The following BMAL2 variants were observed in gnomAD, a reference collection of about 807,000 sequenced individuals.
BMAL2 encodes the protein basic helix-loop-helix ARNT-like protein 2.
chr12:27,375,233 C>A, the BMAL2 span, among the ~76,000 whole-genome samples: 5 of 152,106 alleles, frequency 3.3e-5, no homozygotes, highest in African/African-American at 1.2e-4. Context: ...AGGAATTTAT[C>A]CTAGAGTATA....
chr12:27,412,015 G>A, the BMAL2 span, among the ~76,000 whole-genome samples: 1 of 152,124 alleles, frequency 6.6e-6, no homozygotes, highest in African/African-American at 2.4e-5. Flanking sequence ...TCTACTTTAA[G>A]TTAGTTTGTG....
At chr12:27,403,673 A>C in the BMAL2 span, 35 of 467,168 alleles carry the variant, frequency 7.5e-5, no homozygotes, top group African/African-American at 5.8e-4. Flanking sequence ...TTATCTTTAC[A>C]GTAGCAACAA....
chr12:27,390,581 T>TA, the BMAL2 span: 9 of 206,756 alleles, frequency 4.4e-5, no homozygotes, highest in South Asian at 1.6e-4. Context: ...GGTTAGATGT[T>TA]AAAAAAACTT....
the BMAL2 span, chr12:27,400,522 T>C: frequency 1.9e-6 from 3 of 1,544,012 alleles, no homozygotes; most frequent in East Asian, 2.3e-5. Context: ...TTTTTAAAAA[T>C]CTTTGAATTA....
the BMAL2 span, chr12:27,402,636 G>A: frequency 3.7e-6 from 6 of 1,612,742 alleles, no homozygotes; most frequent in Non-Finnish European, 5.1e-6. Context: ...AGTGAGCCTG[G>A]AGAAGCATCA....
chr12:27,356,664 T>A, the BMAL2 span, among the ~76,000 whole-genome samples: 1 of 152,234 alleles, frequency 6.6e-6, no homozygotes, highest in African/African-American at 2.4e-5. Context: ...ATTATGTGTG[T>A]TTTTTATCTC....
the BMAL2 span, among the ~76,000 whole-genome samples, chr12:27,337,463 ACCTG>A: frequency 6.6e-6 from 1 of 152,168 alleles, no homozygotes; most frequent in Non-Finnish European, 1.5e-5. Context: ...ATGTGAAGGA[ACCTG>A]CCTTTCCCCA....
the BMAL2 span, among the ~76,000 whole-genome samples, chr12:27,339,192 A>G: frequency 6.6e-6 from 1 of 152,110 alleles, no homozygotes; most frequent in Non-Finnish European, 1.5e-5. Flanking sequence ...GCTCCCACTT[A>G]TAAGTGAGAA....
At chr12:27,393,566 A>C in the BMAL2 span, among the ~76,000 whole-genome samples, 1 of 152,196 alleles carries the variant, frequency 6.6e-6, no homozygotes, top group African/African-American at 2.4e-5. Flanking sequence ...AGGACTAAAG[A>C]TTCCTCCCTG....
chr12:27,381,700 T>G, the BMAL2 span, among the ~76,000 whole-genome samples: 3 of 152,186 alleles, frequency 2.0e-5, no homozygotes, highest in African/African-American at 4.8e-5. Context: ...ACCCCTGTTT[T>G]GGGAATAGCC....
At chr12:27,368,371 G>A in the BMAL2 span, 2 of 1,614,000 alleles carry the variant, frequency 1.2e-6, no homozygotes, top group Non-Finnish European at 8.5e-7. Flanking sequence ...ACATGACAGA[G>A]TTTCCACGAA....
At chr12:27,392,635 A>T in the BMAL2 span, among the ~76,000 whole-genome samples, 1 of 100,434 alleles carries the variant, frequency 1.0e-5, no homozygotes, top group Non-Finnish European at 2.2e-5. Flanking sequence ...ATCCATAAGG[A>T]TCCAATCATT....
the BMAL2 span, among the ~76,000 whole-genome samples, chr12:27,386,880 C>T: frequency 6.6e-6 from 1 of 152,162 alleles, no homozygotes; most frequent in Non-Finnish European, 1.5e-5. Context: ...ATCCACCTGC[C>T]TCGGCCTCCC....
At chr12:27,370,931 T>A in the BMAL2 span, among the ~76,000 whole-genome samples, 2 of 152,292 alleles carry the variant, frequency 1.3e-5, no homozygotes, top group South Asian at 4.1e-4. Flanking sequence ...GAAGGGTCTT[T>A]GATGAATCTG....
chr12:27,364,908 A>G, the BMAL2 span, among the ~76,000 whole-genome samples: 8,378 of 152,156 alleles, frequency 0.055, 767 homozygotes, highest in African/African-American at 0.19. Flanking sequence ...TATAAATTCT[A>G]TCTTTTAAAT....
the BMAL2 span, among the ~76,000 whole-genome samples, chr12:27,363,226 C>T: frequency 6.6e-6 from 1 of 152,116 alleles, no homozygotes; most frequent in Non-Finnish European, 1.5e-5. Flanking sequence ...ATGAAAATTT[C>T]AAGTTTCCAG....
chr12:27,405,464 C>G, the BMAL2 span, among the ~76,000 whole-genome samples: 1 of 152,204 alleles, frequency 6.6e-6, no homozygotes, highest in Non-Finnish European at 1.5e-5. Context: ...CTGCAGCCTC[C>G]GCTGCTGATA....
At chr12:27,356,908 C>T in the BMAL2 span, among the ~76,000 whole-genome samples, 40 of 152,010 alleles carry the variant, frequency 2.6e-4, no homozygotes, top group Non-Finnish European at 4.9e-4. Flanking sequence ...CTCACCCCCC[C>T]ACCCTTTCCC....
chr12:27,380,257 A>C, the BMAL2 span: 1 of 1,614,138 alleles, frequency 6.2e-7, no homozygotes, highest in Non-Finnish European at 8.5e-7. Context: ...AGAAGCTCAT[A>C]GCCAAACTGA....
Sources: gnomAD v4.1 joint callset for allele counts (sites outside exome capture counted in the v4.1 genomes callset) on GRCh38, gnomAD v4.1.1 for gene constraint, MANE v1.5 for transcripts, NCBI Gene and HGNC (gene_info 2026-07-23, HGNC 2026-07-21) for gene names.